The following DNAH9 variants were observed in gnomAD, a reference collection of about 807,000 sequenced individuals.
The protein encoded by DNAH9 is DNAH9 variant protein.
DNAH9 carries 345 observed loss-of-function variants against 471.6 expected under a neutral mutation model. The ratio of observed to expected loss-of-function variants is 0.73; its 90% CI spans 0.67 to 0.80. DNAH9 has a LOEUF of 0.80. Ranked by LOEUF, DNAH9 falls within the 30% of genes least tolerant of loss-of-function variation. The pLI is 0.00. For missense variants in DNAH9, 5,407 were observed against 5,609.2 expected, an observed-to-expected ratio of 0.96 and a Z score of 1.15; for synonymous variants, 2,093 against 2,123.6, an observed-to-expected ratio of 0.99 and a Z score of 0.40.
intron 45 of DNAH9, 62 bp from the exon 46 acceptor site, chr17:11,821,858 T>C: frequency 6.4e-7 from 1 of 1,557,922 alleles, no homozygotes. Flanking sequence ...TAACTTCCCA[T>C]GTCTGATTGC....
intron 28 of DNAH9, among the ~76,000 whole-genome samples, chr17:11,730,207 C>T (rs2150818104): frequency 6.6e-6 from 1 of 152,242 alleles, no homozygotes; most frequent in Middle Eastern, 3.4e-3. Context: ...GGACTGAAAC[C>T]CTTGACCAGC....
intron 66 of DNAH9, among the ~76,000 whole-genome samples, chr17:11,939,740 G>C (rs1974835938): frequency 6.6e-6 from 1 of 152,130 alleles, no homozygotes; most frequent in African/African-American, 2.4e-5. Context: ...TCTATATGAA[G>C]GGAAGCTGGG....
At chr17:11,781,769 T>C (rs1968674152) in intron 39 of DNAH9, among the ~76,000 whole-genome samples, 1 of 149,562 alleles carries the variant, frequency 6.7e-6, no homozygotes, top group Admixed American at 6.7e-5. Context: ...TAGGCGGAGA[T>C]TGCAGTGAGC....
At chr17:11,767,467 C>T (rs921385222) in intron 36 of DNAH9, among the ~76,000 whole-genome samples, 3 of 152,212 alleles carry the variant, frequency 2.0e-5, no homozygotes, top group Non-Finnish European at 4.4e-5. Flanking sequence ...ATTTATTTAA[C>T]AGCAAAATGA....
At chr17:11,883,395 T>A (rs1296137682) in intron 55 of DNAH9, among the ~76,000 whole-genome samples, 191 bp from the exon 56 acceptor site, 1 of 152,234 alleles carries the variant, frequency 6.6e-6, no homozygotes, top group Admixed American at 6.5e-5. Flanking sequence ...CTCAAGGTCA[T>A]GTGCCCAGAA....
At chr17:11,893,167 C>T (rs1973107052) in intron 58 of DNAH9, among the ~76,000 whole-genome samples, 1 of 124,492 alleles carries the variant, frequency 8.0e-6, no homozygotes, top group Admixed American at 8.7e-5. Flanking sequence ...CAGATGACAG[C>T]TTGGCCTTTG....
chr17:11,949,921 TC>T (rs973809849), intron 67 of DNAH9, among the ~76,000 whole-genome samples: 10 of 152,320 alleles, frequency 6.6e-5, no homozygotes, highest in African/African-American at 2.4e-4. Context: ...AAAATTATTG[TC>T]AGAATACATT....
rs188506564 is a variant in DNAH9 at position 11,732,758 on chromosome 17, C to T, written c.5814+4836C>T. ...GTCTATGCTTTGGGTTATCTGCGCC[C>T]GGGGACATGTGCCACGAGGACACAA... On this transcript the variant is annotated intron_variant, in intron 28 of 68. Coordinates refer to ENST00000262442, the MANE Select transcript of DNAH9 (RefSeq NM_001372.4). Among the ~76,000 whole-genome samples, 48 of 152,314 alleles carry T rather than the reference C, an allele frequency of 3.2e-4. No homozygotes were observed. The South Asian group carries it at 5.2e-3, about 16-fold the overall frequency.
At chr17:11,966,710 A>G (rs1419540492) in intron 68 of DNAH9, among the ~76,000 whole-genome samples, 8 of 152,214 alleles carry the variant, frequency 5.3e-5, no homozygotes, top group African/African-American at 1.9e-4. Context: ...AAAACAGCAC[A>G]AAGGAGGGAG....
chr17:11,654,362 A>AAAAAAAAAAAAAAAAAAC (rs2073588591), intron 14 of DNAH9, among the ~76,000 whole-genome samples: 1 of 47,706 alleles, frequency 2.1e-5, no homozygotes, highest in African/African-American at 1.0e-4. Flanking sequence ...TCTCAAAAAA[A>AAAAAAAAAAAAAAAAAAC]AAAAAAAAAA....
At chr17:11,800,935 G>A (rs967093083) in intron 43 of DNAH9, among the ~76,000 whole-genome samples, 1 of 152,186 alleles carries the variant, frequency 6.6e-6, no homozygotes, top group Non-Finnish European at 1.5e-5. Context: ...GAGAGGGAAG[G>A]GGAGTAGAGA....
chr17:11,681,492 T>C (rs1368823951), intron 19 of DNAH9, among the ~76,000 whole-genome samples: 1 of 152,190 alleles, frequency 6.6e-6, no homozygotes, highest in Non-Finnish European at 1.5e-5. Context: ...GGTCTGCTTC[T>C]GGTCCACTGC....
chr17:11,608,187 G>T lies in DNAH9; in HGVS notation c.476G>T (p.Cys159Phe), dbSNP rs751660780. The change falls in exon 2 of 69, where the codon TGT becomes TTT. Residue 159 changes from cysteine to phenylalanine, a missense_variant. Cys to Phe is a radical substitution (Grantham distance 205, BLOSUM62 -2). Around this residue, in one of 3 missense-constraint regions of DNAH9, gnomAD observed 767 missense variants for 692.5 expected, o/e 1.11. Transcript: ENST00000262442. The stretch of plus-strand genomic sequence containing the variant: ...CGCCTAAACTGGCCCCACATGATAT[G>T]TGAGGATGTCAGGCGGCACGCCCAC... Reference protein sequence around the residue: ...KNRLNWPHMICEDVRRHAHSL... With the variant: ...KNRLNWPHMIFEDVRRHAHSL... The T allele has an allele frequency of 6.2e-7, 1 of 1,613,850 alleles. No homozygotes were observed. The highest frequency in any genetic ancestry group is 2.2e-5 in the East Asian group (1 of 44,854).
At chr17:11,669,030 T>C (rs763800503) in intron 15 of DNAH9, 34 bp from the exon 16 acceptor site, 1 of 1,495,330 alleles carries the variant, frequency 6.7e-7, no homozygotes, top group Non-Finnish European at 9.2e-7. Context: ...TTATCCACTC[T>C]TTGTTTTGTT....
At chr17:11,604,811 G>A (rs998584107) in intron 1 of DNAH9, among the ~76,000 whole-genome samples, 10 of 152,090 alleles carry the variant, frequency 6.6e-5, no homozygotes, top group East Asian at 1.9e-4. Flanking sequence ...TACCCACTGT[G>A]CCACACCACC....
intron 61 of DNAH9, among the ~76,000 whole-genome samples, chr17:11,918,731 A>C (rs11078045): frequency 6.7e-6 from 1 of 149,560 alleles, no homozygotes; most frequent in African/African-American, 2.4e-5. Context: ...CATGCCTATA[A>C]TCCCAGCACT....
In DNAH9 at chr17:11,690,394, C is replaced by G. The variant is rs2074314839; in HGVS notation, c.4572C>G (p.Ser1524Arg). ...AGCGAACATGGACTCACCTGGAAAG[C>G]ATATTCACTGGATCTGAAGATATTC... is the stretch of plus-strand genomic sequence containing the variant. Reference protein sequence around the residue: ...EVQRTWTHLESIFTGSEDIRA... With the variant: ...EVQRTWTHLERIFTGSEDIRA... The change falls in exon 20 of 69, where the codon AGC becomes AGG. Residue 1524 changes from serine to arginine, a missense_variant. Coordinates refer to ENST00000262442, the MANE Select transcript of DNAH9 (RefSeq NM_001372.4). The G allele has an allele frequency of 6.2e-7, 1 of 1,614,154 alleles. No individual in the cohort carries two copies. The highest frequency in any genetic ancestry group is 8.5e-7 in the Non-Finnish European group (1 of 1,179,998).
intron 1 of DNAH9, among the ~76,000 whole-genome samples, chr17:11,605,607 C>T (rs1387400951): frequency 3.9e-5 from 6 of 151,954 alleles, no homozygotes; most frequent in Non-Finnish European, 8.8e-5. Context: ...TCAAGCGATC[C>T]TCTCACCTCA....
Position 11,961,926 on chromosome 17 carries a change from G to T in DNAH9, c.12903G>T (p.Met4301Ile), listed in dbSNP as rs142336930. Residue 4301 changes from methionine (M) to isoleucine (I), a missense_variant, in exon 68 of 69, where the codon ATG (methionine) becomes ATT (isoleucine). Met to Ile is a conservative substitution (Grantham distance 10, BLOSUM62 1). Transcript: ENST00000262442. Reference sequence around the variant, plus strand: ...TACAGAATGCCCTGTACTTCGATATGGTGCCAGAGTCCTGGGCTAGACGAG... The same window carrying T: ...TACAGAATGCCCTGTACTTCGATATTGTGCCAGAGTCCTGGGCTAGACGAG... ...ENLQNALYFDMVPESWARRAY... is the reference protein window; with the variant it reads ...ENLQNALYFDIVPESWARRAY... 6.8e-6 allele frequency: 11 copies of T among 1,613,982 alleles called. No homozygotes were observed. Among genetic ancestry groups the T allele is most frequent in the Non-Finnish European group, 9.3e-6 (11 of 1,180,016 alleles).
Sources: gnomAD v4.1 joint callset for allele counts (sites outside exome capture counted in the v4.1 genomes callset) on GRCh38, gnomAD v4.1.1 for gene constraint, gnomAD v4.1.1 regional missense constraint, MANE v1.5 for transcripts, NCBI Gene and HGNC (gene_info 2026-07-23, HGNC 2026-07-21) for gene names.